Variants in CDH2 observed in about 807,000 individuals in gnomAD.
CDH2 encodes cadherin-2.
In CDH2, 17 loss-of-function variants were observed where a neutral mutation model predicts 92.0. That is an observed-to-expected ratio of 0.18 (90% CI 0.13 to 0.28). The LOEUF (loss-of-function observed/expected upper bound fraction) is 0.28, where lower values mean the gene tolerates loss of function less well. Ranked by LOEUF, CDH2 falls within the 10% of genes least tolerant of loss-of-function variation. The pLI is 1.00. For missense variants in CDH2, 862 were observed against 1,133.1 expected (o/e 0.76, Z 3.44); for synonymous variants, 419 against 415.9 (o/e 1.01, Z -0.09).
intron 1 of CDH2, 35 bp from the exon 2 acceptor site, chr18:28,147,819 A>G (rs1480195083): frequency 6.8e-6 from 8 of 1,172,352 alleles, no homozygotes; most frequent in Non-Finnish European, 7.5e-6. Flanking sequence ...AATGTGTGCA[A>G]TGATTGCTAC....
At chr18:28,093,401 G>A (rs2015071020) in intron 2 of CDH2, among the ~76,000 whole-genome samples, 1 of 152,086 alleles carries the variant, frequency 6.6e-6, no homozygotes, top group African/African-American at 2.4e-5. Context: ...AAAGGAATAA[G>A]ATGGGAGTCC....
At chr18:28,126,986 G>A (rs1424163379) in intron 2 of CDH2, among the ~76,000 whole-genome samples, 1 of 152,124 alleles carries the variant, frequency 6.6e-6, no homozygotes, top group Non-Finnish European at 1.5e-5. Flanking sequence ...GATGCTGGAG[G>A]GGTGCTCCAG....
At chr18:28,037,241 T>C (rs1194820926) in intron 2 of CDH2, among the ~76,000 whole-genome samples, 2 of 152,192 alleles carry the variant, frequency 1.3e-5, no homozygotes, top group Non-Finnish European at 2.9e-5. Context: ...ATGCTCTAAG[T>C]GCAAACCATG....
chr18:28,108,241 T>C (rs1246771376), intron 2 of CDH2, among the ~76,000 whole-genome samples: 1 of 152,158 alleles, frequency 6.6e-6, no homozygotes, highest in East Asian at 1.9e-4. Flanking sequence ...GGAGACAACT[T>C]CCAAAGATCT....
intron 10 of CDH2, among the ~76,000 whole-genome samples, chr18:27,989,177 C>T (rs1401456358): frequency 6.6e-6 from 1 of 152,182 alleles, no homozygotes; most frequent in Non-Finnish European, 1.5e-5. Flanking sequence ...GAATCTTTCA[C>T]ACTGGGCCAA....
rs2011381572 is a variant in CDH2, at chr18:27,960,777, A to C, written c.2514+2580T>G. Among the ~76,000 whole-genome samples, 4 of 152,230 alleles carry C rather than the reference A, an allele frequency of 2.6e-5. 1 individual carries two copies. The South Asian group carries it at 6.2e-4, about 24-fold the overall frequency. ...CACATATGCAGATAATCTTCAAATT[A>C]GGAAGAGATTGTATTCTGGAAGTCA... On this transcript the variant is annotated intron_variant, in intron 15 of 15. Transcript: ENST00000269141.
In CDH2 at chr18:28,052,687, T is replaced by C. The variant is rs181444172; in HGVS notation, c.173-38778A>G. Among the ~76,000 whole-genome samples the C allele has an allele frequency of 1.9e-3, 286 of 152,336 alleles. 2 individuals carry two copies. The highest frequency in any genetic ancestry group is 3.5e-3 in the Non-Finnish European group (237 of 68,026). ...CACCGAAGGACTGGAAGTGAAAATGTAGGCCATGACGAAGTGGCCAGACAT... is the reference window on the plus strand; with the variant it reads ...CACCGAAGGACTGGAAGTGAAAATGCAGGCCATGACGAAGTGGCCAGACAT... On this transcript the variant is annotated intron_variant, in intron 2 of 15. Transcript: ENST00000269141.
chr18:28,050,266 T>C (rs2014164528), intron 2 of CDH2, among the ~76,000 whole-genome samples: 2 of 152,206 alleles, frequency 1.3e-5, no homozygotes, highest in African/African-American at 2.4e-5. Context: ...TTAAATGGTA[T>C]AGGGTAAAAT....
downstream of CDH2, among the ~76,000 whole-genome samples, chr18:27,947,337 T>A (rs936363236): frequency 4.0e-5 from 6 of 151,814 alleles, no homozygotes; most frequent in African/African-American, 1.4e-4. Context: ...AGATGTTTAG[T>A]GAAATTCCAT....
At chr18:28,171,902 T>A (rs1288522432) in intron 1 of CDH2, among the ~76,000 whole-genome samples, 1 of 152,146 alleles carries the variant, frequency 6.6e-6, no homozygotes, top group African/African-American at 2.4e-5. Context: ...GCTCTTGCCC[T>A]TGACACTACA....
In CDH2 at chr18:27,990,137, T is replaced by C. The variant is rs138057585; in HGVS notation, c.1558A>G (p.Thr520Ala). 1 of 1,614,042 alleles carries C rather than the reference T, an allele frequency of 6.2e-7. No individual in the cohort carries two copies. The highest frequency in any genetic ancestry group is 8.5e-7 in the Non-Finnish European group (1 of 1,179,902). ...LHAGTMLTTF[T>A]AQDPDRYMQQ... ...ATATATCGATCTGGGTCCTGAGCAGTGAATGTTGTCAACATGGTACCGGCA... is the reference window on the plus strand; with the variant it reads ...ATATATCGATCTGGGTCCTGAGCAGCGAATGTTGTCAACATGGTACCGGCA... Residue 520 changes from threonine to alanine, a missense_variant, in exon 10 of 16, where the codon ACT (threonine) becomes GCT (alanine). By Grantham distance (58) the Thr-to-Ala change is moderately conservative. This residue lies in a region of CDH2 where 564 missense variants were observed against 722.2 expected (regional missense o/e 0.78). Transcript: ENST00000269141.
At chr18:27,970,940 C>A (rs905014296) in intron 14 of CDH2, among the ~76,000 whole-genome samples, 1 of 152,094 alleles carries the variant, frequency 6.6e-6, no homozygotes, top group South Asian at 2.1e-4. Context: ...GAGGCTGAGG[C>A]AGAAGTCTAT....
intron 2 of CDH2, among the ~76,000 whole-genome samples, chr18:28,056,950 A>G (rs2014304739): frequency 6.6e-6 from 1 of 152,212 alleles, no homozygotes; most frequent in Non-Finnish European, 1.5e-5. Flanking sequence ...ATCCGATGTT[A>G]GCCATAATTT....
Position 28,009,816 on chromosome 18 carries a change from T to C in CDH2, c.603A>G (p.Gly201=). ...LSLRYSVTGP[G]ADQPPTGIFI... Reference sequence around the variant, plus strand: ...AGATACCAGTTGGAGGCTGGTCAGCTCCTGGCCCAGTTACACTGTACCGCA... The same window carrying C: ...AGATACCAGTTGGAGGCTGGTCAGCCCCTGGCCCAGTTACACTGTACCGCA... Residue 201 remains glycine (G), a synonymous_variant, in exon 5 of 16, where the codon GGA becomes GGG. Coordinates refer to ENST00000269141, the MANE Select transcript of CDH2 (RefSeq NM_001792.5). 6.2e-7 allele frequency: 1 copy of C among 1,613,974 alleles called. No individual in the cohort carries two copies. Among genetic ancestry groups the C allele is most frequent in the Non-Finnish European group, 8.5e-7 (1 of 1,179,966 alleles).
chr18:28,123,741 T>A (rs541270684), intron 2 of CDH2, among the ~76,000 whole-genome samples: 25 of 152,162 alleles, frequency 1.6e-4, no homozygotes, highest in African/African-American at 5.8e-4. Flanking sequence ...AAATAAAGGG[T>A]TCTGAATTTA....
In CDH2 at chr18:28,153,550, A is replaced by C. The variant is rs2045719793; in HGVS notation, c.61-5766T>G. 2.0e-5 allele frequency among the ~76,000 whole-genome samples: 3 copies of C among 152,024 alleles called. No homozygotes were observed. In the South Asian group the frequency reaches 6.2e-4, roughly 32 times the overall value. ...ATCTGCCCAGGGGCAACACCCCCCAACCCCCCGGGGCCCTAAGCCCTGGGC... is the reference window on the plus strand; with the variant it reads ...ATCTGCCCAGGGGCAACACCCCCCACCCCCCCGGGGCCCTAAGCCCTGGGC... On this transcript the variant is annotated intron_variant, in intron 1 of 15. Coordinates refer to ENST00000269141, the MANE Select transcript of CDH2 (RefSeq NM_001792.5).
intron 2 of CDH2, among the ~76,000 whole-genome samples, chr18:28,131,634 G>C (rs2015771373): frequency 6.6e-6 from 1 of 151,884 alleles, no homozygotes; most frequent in African/African-American, 2.4e-5. Context: ...TTGAGAGAGG[G>C]AGAAAATTAA....
At chr18:28,028,395 G>C (rs1304086306) in intron 2 of CDH2, among the ~76,000 whole-genome samples, 1 of 152,096 alleles carries the variant, frequency 6.6e-6, no homozygotes. Context: ...CTGGTATGAT[G>C]TGATACCACA....
At chr18:28,118,666 T>G (rs1406071820) in intron 2 of CDH2, among the ~76,000 whole-genome samples, 1 of 152,006 alleles carries the variant, frequency 6.6e-6, no homozygotes, top group Admixed American at 6.6e-5. Context: ...TTTACTGTTT[T>G]GGATTTTAAG....
Sources: allele counts gnomAD v4.1 joint callset (sites outside exome capture counted in the v4.1 genomes callset), GRCh38; gene constraint gnomAD v4.1.1; regional missense constraint gnomAD v4.1.1; transcripts MANE v1.5; gene names NCBI Gene and HGNC (gene_info 2026-07-23, HGNC 2026-07-21).